The following DMXL2 variants were observed in gnomAD, a reference collection of about 807,000 sequenced individuals.
The protein encoded by DMXL2 is dmX-like protein 2.
A neutral mutation model predicts 331.1 loss-of-function variants in DMXL2; 103 were observed. That is an observed-to-expected ratio of 0.31 (90% confidence interval 0.27 to 0.37). The LOEUF is 0.37. Ranked by LOEUF, DMXL2 falls within the 10% of genes least tolerant of loss-of-function variation. DMXL2 has a pLI of 1.00. For synonymous variants in DMXL2, 1,281 were observed against 1,252.1 expected (o/e 1.02, Z -0.49); for missense variants, 3,171 against 3,642.9 (o/e 0.87, Z 3.33).
In DMXL2 at chr15:51,576,183, TAAA is replaced by T. The variant is rs3078066; in HGVS notation, c.88-5_88-3del. On this transcript the variant is annotated splice_region_variant and splice_polypyrimidine_tract_variant and intron_variant, in intron 1 of 43. Coordinates refer to ENST00000560891, the MANE Select transcript of DMXL2 (RefSeq NM_001378457.1). ...AATATCACAGCCTGATCCATATGCC[TAAA>T]AAAAAAAAAAAAAAAAAGTTTTACA... 4,351 of 618,518 alleles carry T rather than the reference TAAA, an allele frequency of 7.0e-3. 3 individuals carry two copies. The highest frequency in any genetic ancestry group is 0.013 in the South Asian group (294 of 22,828). 38.3% of individuals were successfully genotyped at this position (618,518 alleles called of 1,614,324 possible). A position where few individuals can be genotyped will look rare whatever the true frequency, so the allele number is the denominator to read the frequency against.
At chr15:51,457,968 G>A (rs565607315) in intron 36 of DMXL2, 1 of 156,840 alleles carries the variant, frequency 6.4e-6, no homozygotes, top group African/African-American at 2.4e-5. Context: ...AACTATCATG[G>A]CACCATCCTC....
rs2039726254 is a variant in DMXL2 at position 51,457,432 on chromosome 15, T to C, written c.8233A>G (p.Thr2745Ala). 1.2e-6 allele frequency: 2 copies of C among 1,613,994 alleles called. No homozygotes were observed. The highest frequency in any genetic ancestry group is 1.1e-5 in the South Asian group (1 of 91,068). Residue 2745 changes from threonine (T) to alanine (A), a missense_variant, in exon 37 of 44, where the codon ACT (threonine) becomes GCT (alanine). Thr to Ala is a moderately conservative substitution (Grantham distance 58, BLOSUM62 0). Around this residue, in one of 7 missense-constraint regions of DMXL2, gnomAD observed 766 missense variants for 940.5 expected, o/e 0.81. Transcript: ENST00000560891. ...GATGTTGCACTGGGTTGATAAAGAG[T>C]TGTAGTGGAACCACGATAATCAACA... ...DDVDYRGSTT[T>A]LYQPSATSYS... is the part of the protein sequence containing the mutation.
intron 23 of DMXL2, among the ~76,000 whole-genome samples, chr15:51,485,697 G>A (rs1004870897): frequency 1.3e-5 from 2 of 152,042 alleles, no homozygotes; most frequent in African/African-American, 4.8e-5. Flanking sequence ...TCCTTTAAGT[G>A]CTTGTAATAT....
chr15:51,589,698 T>A (rs74341551), intron 1 of DMXL2, among the ~76,000 whole-genome samples: 1 of 152,220 alleles, frequency 6.6e-6, no homozygotes. Context: ...ATGTACTTTT[T>A]TTCAGCCTTT....
chr15:51,484,128 T>C (rs2042220568), intron 23 of DMXL2, among the ~76,000 whole-genome samples: 1 of 151,878 alleles, frequency 6.6e-6, no homozygotes, highest in Non-Finnish European at 1.5e-5. Flanking sequence ...AATCGTGTCA[T>C]GGGCCTGAGA....
chr15:51,460,513 T>G (rs2040017182), intron 33 of DMXL2: 1 of 269,858 alleles, frequency 3.7e-6, no homozygotes, highest in Admixed American at 6.5e-5. Context: ...CAAAAACTTG[T>G]TTTGTGAAAT....
chr15:51,454,382 T>C (rs1156808870), intron 40 of DMXL2, among the ~76,000 whole-genome samples: 3 of 152,088 alleles, frequency 2.0e-5, no homozygotes, highest in African/African-American at 7.2e-5. Context: ...GATCTACTTA[T>C]CTTCATCACC....
chr15:51,484,006 A>C (rs995342887), intron 23 of DMXL2, among the ~76,000 whole-genome samples: 1 of 151,350 alleles, frequency 6.6e-6, no homozygotes, highest in Non-Finnish European at 1.5e-5. Context: ...CTGCCACCCC[A>C]GCTAACATAG....
At chr15:51,562,522 G>C (rs1374057592) in intron 6 of DMXL2, among the ~76,000 whole-genome samples, 1 of 152,126 alleles carries the variant, frequency 6.6e-6, no homozygotes, top group African/African-American at 2.4e-5. Flanking sequence ...TGGTAGCTCT[G>C]CTATTTTAGA....
intron 6 of DMXL2, among the ~76,000 whole-genome samples, chr15:51,557,299 A>T (rs1186216482): frequency 2.6e-5 from 4 of 152,218 alleles, no homozygotes; most frequent in Admixed American, 1.3e-4. Context: ...TATCAAAAAC[A>T]TCAAATATCT....
chr15:51,490,448 A>C (rs1041799531), intron 20 of DMXL2, among the ~76,000 whole-genome samples: 2 of 152,234 alleles, frequency 1.3e-5, no homozygotes, highest in African/African-American at 4.8e-5. Flanking sequence ...CATACTTCAC[A>C]AATATAGTAC....
intron 16 of DMXL2, among the ~76,000 whole-genome samples, chr15:51,504,655 A>G (rs915428720): frequency 2.0e-5 from 3 of 152,202 alleles, no homozygotes; most frequent in African/African-American, 4.8e-5. Context: ...ATGTCAATCT[A>G]TCTTATAATG....
At chr15:51,572,309 A>G (rs1177572483) in intron 2 of DMXL2, among the ~76,000 whole-genome samples, 4 of 147,702 alleles carry the variant, frequency 2.7e-5, no homozygotes, top group Non-Finnish European at 6.0e-5. Context: ...TACCAACCAA[A>G]AAAAGTCCAG....
intron 15 of DMXL2, 26 bp from the exon 16 acceptor site, chr15:51,507,279 T>C (rs2046460431): frequency 6.3e-7 from 1 of 1,590,662 alleles, no homozygotes; most frequent in Non-Finnish European, 8.5e-7. Flanking sequence ...AAAGGATATT[T>C]AAATTAGTAT....
In DMXL2 at chr15:51,514,479, C is replaced by T; in HGVS notation, c.2607G>A (p.Glu869=). The change falls in exon 15 of 44, where the codon GAG becomes GAA. Residue 869 remains glutamate (E), a synonymous_variant. Transcript: ENST00000560891. ...GAAAAAATATTTCTGTTTCCTTTTT[C>T]TCCATATCTTCCTTATGTGGTTTAT... The part of the protein sequence containing the change: ...IGYKPHKEDM[E]KKETEIFFQP... 1 of 1,584,554 alleles carries T rather than the reference C, an allele frequency of 6.3e-7. No homozygotes were observed. Among genetic ancestry groups the T allele is most frequent in the Non-Finnish European group, 8.6e-7 (1 of 1,164,090 alleles).
At chr15:51,557,783 T>A (rs557297571) in intron 6 of DMXL2, among the ~76,000 whole-genome samples, 22 of 152,208 alleles carry the variant, frequency 1.4e-4, no homozygotes, top group African/African-American at 5.3e-4. Context: ...AAGGGAAGAT[T>A]TTTTCCAATA....
chr15:51,575,803 T>A (rs17609693), intron 2 of DMXL2, among the ~76,000 whole-genome samples: 71,982 of 151,806 alleles, frequency 0.47, 17,464 homozygotes, highest in Non-Finnish European at 0.52. Flanking sequence ...TGGCAGAATA[T>A]CAGTATGCAC....
At chr15:51,572,142 G>A (rs925446701) in intron 2 of DMXL2, among the ~76,000 whole-genome samples, 18 of 151,836 alleles carry the variant, frequency 1.2e-4, no homozygotes, top group African/African-American at 3.9e-4. Flanking sequence ...TACCATCAGA[G>A]AATACAATAA....
intron 2 of DMXL2, among the ~76,000 whole-genome samples, chr15:51,570,846 G>A (rs1467619497): frequency 6.6e-6 from 1 of 152,118 alleles, no homozygotes; most frequent in African/African-American, 2.4e-5. Flanking sequence ...AAATTGTAAA[G>A]ACCATCAATG....
Sources: gnomAD v4.1 joint callset for allele counts (sites outside exome capture counted in the v4.1 genomes callset) on GRCh38, gnomAD v4.1.1 for gene constraint, gnomAD v4.1.1 regional missense constraint, MANE v1.5 for transcripts, NCBI Gene and HGNC (gene_info 2026-07-23, HGNC 2026-07-21) for gene names.